The following GHR variants were observed in gnomAD, a reference collection of about 807,000 sequenced individuals.
GHR encodes the protein growth hormone receptor.
In GHR, 35 loss-of-function variants were observed where a neutral mutation model predicts 67.1. That is an observed-to-expected ratio of 0.52 (90% CI 0.40 to 0.69). The LOEUF (loss-of-function observed/expected upper bound fraction) is 0.69. Among genes scored for constraint, GHR ranks in the 30% least tolerant of loss-of-function variants. The probability of loss-of-function intolerance (pLI) is 0.00; values close to 1 mark genes in which losing one functional copy is unlikely to be tolerated. For synonymous variants in GHR, 272 were observed against 269.1 expected, an observed-to-expected ratio of 1.01 and a Z score of -0.10; for missense variants, 792 against 764.6, an observed-to-expected ratio of 1.04 and a Z score of -0.42.
chr5:42,467,956 C>T, intron 1 of GHR: 2 of 688,290 alleles, frequency 2.9e-6, no homozygotes, highest in Non-Finnish European at 2.6e-6. Context: ...TGAAATCTTT[C>T]CTTTCCCTCC....
chr5:42,583,898 A>C (rs188102316), intron 2 of GHR, among the ~76,000 whole-genome samples: 2 of 145,692 alleles, frequency 1.4e-5, no homozygotes, highest in Non-Finnish European at 3.0e-5. Flanking sequence ...TATATATATA[A>C]ATTCTTACAG....
At chr5:42,648,055 C>A (rs1398637300) in intron 3 of GHR, among the ~76,000 whole-genome samples, 4 of 152,092 alleles carry the variant, frequency 2.6e-5, no homozygotes, top group Non-Finnish European at 4.4e-5. Flanking sequence ...AGATTTTCAG[C>A]AACAAGAAAC....
At chr5:42,535,144 C>G (rs796720694) in intron 1 of GHR, among the ~76,000 whole-genome samples, 10 of 152,072 alleles carry the variant, frequency 6.6e-5, no homozygotes, top group African/African-American at 2.4e-4. Flanking sequence ...CTTTTGCTGT[C>G]CAAAAGCTCT....
At chr5:42,587,957 T>G (rs1751572151) in intron 2 of GHR, among the ~76,000 whole-genome samples, 4 of 152,218 alleles carry the variant, frequency 2.6e-5, no homozygotes, top group Admixed American at 2.6e-4. Context: ...AGGGCCAAGC[T>G]TCTGATAAGT....
chr5:42,448,973 A>G (rs958417399), intron 1 of GHR, among the ~76,000 whole-genome samples: 4 of 152,034 alleles, frequency 2.6e-5, no homozygotes, highest in African/African-American at 9.7e-5. Flanking sequence ...TGGGTTCTCT[A>G]TTCTGTTCCA....
At chr5:42,598,823 C>T (rs984714129) in intron 2 of GHR, among the ~76,000 whole-genome samples, 1 of 152,046 alleles carries the variant, frequency 6.6e-6, no homozygotes, top group African/African-American at 2.4e-5. Flanking sequence ...AATTGGATTG[C>T]AAATTTGGAA....
rs1561320494 is a variant in GHR, at chr5:42,467,623, T to A, written c.-12+43668T>A. On this transcript the variant is annotated intron_variant, in intron 1 of 9. Coordinates refer to ENST00000230882, the MANE Select transcript of GHR (RefSeq NM_000163.5). ...ACTCTGATTGAAGGCTTTCCCACAT[T>A]TTGAGCAAACATAAGGTTTCTGTCC... The A allele has an allele frequency of 5.0e-6, 8 of 1,606,560 alleles. No individual in the cohort carries two copies. The East Asian group carries it at 1.3e-4, about 27-fold the overall frequency.
intron 6 of GHR, among the ~76,000 whole-genome samples, chr5:42,710,315 A>T (rs1243065397): frequency 2.0e-5 from 3 of 152,176 alleles, no homozygotes; most frequent in Non-Finnish European, 4.4e-5. Flanking sequence ...GCGAAAATCC[A>T]TGCTGTTGAA....
rs562598961 is a variant in GHR at position 42,423,697 on chromosome 5, C to G, written c.-270C>G. On this transcript the variant is annotated 5_prime_UTR_variant, in exon 1 of 10. Coordinates refer to ENST00000230882, the MANE Select transcript of GHR (RefSeq NM_000163.5). The stretch of plus-strand genomic sequence containing the variant: ...CTCCCTTCCCGTTTCACCCCGCCCC[C>G]TCTCTCCTCCCCAAGCCTGACAGCC... 4.6e-5 allele frequency: 7 copies of G among 153,576 alleles called. No homozygotes were observed. In the East Asian group the frequency reaches 1.4e-3, roughly 30 times the overall value. The allele number at this position is 153,576 out of a possible 1,614,324, so 9.5% of individuals were successfully genotyped here. A position where few individuals can be genotyped will look rare whatever the true frequency, so the allele number is the denominator to read the frequency against.
At chr5:42,707,755 G>T (rs1280269143) in intron 6 of GHR, among the ~76,000 whole-genome samples, 2 of 151,604 alleles carry the variant, frequency 1.3e-5, no homozygotes, top group African/African-American at 2.4e-5. Flanking sequence ...TAAGTTTCTT[G>T]CATAAAAAAC....
chr5:42,481,620 C>T (rs1447537842), intron 1 of GHR, among the ~76,000 whole-genome samples: 4 of 151,814 alleles, frequency 2.6e-5, no homozygotes, highest in East Asian at 3.9e-4. Flanking sequence ...CTTCTCTTCT[C>T]GCTTCATTTC....
chr5:42,593,026 C>T (rs562442959), intron 2 of GHR, among the ~76,000 whole-genome samples: 1 of 152,126 alleles, frequency 6.6e-6, no homozygotes, highest in South Asian at 2.1e-4. Context: ...GCTTATTTTC[C>T]ATGTGTATGA....
intron 1 of GHR, among the ~76,000 whole-genome samples, chr5:42,444,216 T>C (rs1743714688): frequency 6.6e-6 from 1 of 152,172 alleles, no homozygotes; most frequent in South Asian, 2.1e-4. Context: ...ATGGTGAGCA[T>C]TTTATAAAAT....
intron 1 of GHR, among the ~76,000 whole-genome samples, chr5:42,488,282 C>T (rs969228343): frequency 2.0e-5 from 3 of 152,184 alleles, no homozygotes; most frequent in African/African-American, 7.2e-5. Flanking sequence ...TAGGAATTTT[C>T]ATTCCCCTTT....
chr5:42,548,605 A>C (rs1380349949), intron 1 of GHR: 10 of 489,260 alleles, frequency 2.0e-5, no homozygotes, highest in Non-Finnish European at 2.6e-5. Flanking sequence ...TTACTTTTGC[A>C]TTTTTTAGAT....
chr5:42,479,519 C>CT (rs1745510967), intron 1 of GHR, among the ~76,000 whole-genome samples: 1 of 152,058 alleles, frequency 6.6e-6, no homozygotes, highest in Non-Finnish European at 1.5e-5. Context: ...TGGTCCTGGA[C>CT]TTTTTTTGGT....
intron 1 of GHR, among the ~76,000 whole-genome samples, chr5:42,449,491 C>G (rs914179630): frequency 6.6e-6 from 1 of 152,106 alleles, no homozygotes; most frequent in Non-Finnish European, 1.5e-5. Context: ...GATTTTTGAT[C>G]CTGAAACTTT....
intron 8 of GHR, among the ~76,000 whole-genome samples, chr5:42,716,461 C>A (rs1396401552): frequency 6.6e-6 from 1 of 152,132 alleles, no homozygotes; most frequent in African/African-American, 2.4e-5. Flanking sequence ...CTCAACTCTG[C>A]CACTGTAGCA....
chr5:42,542,576 G>T (rs903802928), intron 1 of GHR, among the ~76,000 whole-genome samples: 4 of 152,178 alleles, frequency 2.6e-5, no homozygotes, highest in Admixed American at 2.6e-4. Flanking sequence ...CACTTAAGGT[G>T]ATTCTTATCT....
Sources: gnomAD v4.1 joint callset for allele counts (sites outside exome capture counted in the v4.1 genomes callset) on GRCh38, gnomAD v4.1.1 for gene constraint, MANE v1.5 for transcripts, NCBI Gene and HGNC (gene_info 2026-07-23, HGNC 2026-07-21) for gene names.